Variants in SOX5 observed in about 807,000 individuals in gnomAD.
The protein encoded by SOX5 is transcription factor SOX-5.
Under a neutral mutation model 92.0 loss-of-function variants are expected in SOX5, and 9 were observed. The ratio of observed to expected loss-of-function variants is 0.10; its 90% CI spans 0.06 to 0.17. The LOEUF is 0.17. SOX5 is among the 10% of genes least tolerant of loss of function. The probability of loss-of-function intolerance (pLI) is 1.00; values close to 1 mark genes in which losing one functional copy is unlikely to be tolerated. For synonymous variants in SOX5, 344 were observed against 336.3 expected, an observed-to-expected ratio of 1.02 and a Z score of -0.25; for missense variants, 642 against 944.5, an observed-to-expected ratio of 0.68 and a Z score of 4.20.
chr12:24,114,098 G>A (rs1434356296), intron 4 of SOX5, among the ~76,000 whole-genome samples: 1 of 152,120 alleles, frequency 6.6e-6, no homozygotes, highest in Non-Finnish European at 1.5e-5. Context: ...TCTGCCCATT[G>A]ATAAGCTCTG....
intron 3 of SOX5, among the ~76,000 whole-genome samples, chr12:23,791,510 CTGCAG>C (rs1163886973): frequency 6.6e-6 from 1 of 152,172 alleles, no homozygotes; most frequent in Non-Finnish European, 1.5e-5. Flanking sequence ...AGCATTTCAG[CTGCAG>C]TGTTCAATGG....
chr12:24,496,976 C>A (rs187493795), intron 1 of SOX5, among the ~76,000 whole-genome samples: 3 of 152,300 alleles, frequency 2.0e-5, no homozygotes, highest in Admixed American at 2.0e-4. Flanking sequence ...TGACACAGAG[C>A]TGTCCTAGAC....
At chr12:24,419,088 G>C (rs917771599) in intron 1 of SOX5, among the ~76,000 whole-genome samples, 19 of 152,202 alleles carry the variant, frequency 1.2e-4, no homozygotes, top group South Asian at 4.2e-4. Flanking sequence ...ACCTCCGCTA[G>C]AGTCCTCATT....
Position 23,665,213 on chromosome 12 carries a change from G to A in SOX5, c.931+231C>T, listed in dbSNP as rs74073206. ...TACATTCATACATTAACAATACACT[G>A]TAAATCGAAGTCATGAAATTGAATT... On this transcript the variant is annotated intron_variant, in intron 7 of 14. Transcript: ENST00000451604. Among the ~76,000 whole-genome samples, 1,056 of 152,250 alleles carry A rather than the reference G, an allele frequency of 6.9e-3. 13 individuals carry two copies. The highest frequency in any genetic ancestry group is 0.024 in the African/African-American group (1,000 of 41,540).
chr12:24,297,967 A>G (rs1411243316), intron 2 of SOX5, among the ~76,000 whole-genome samples: 1 of 152,156 alleles, frequency 6.6e-6, no homozygotes, highest in Non-Finnish European at 1.5e-5. Flanking sequence ...TATTACTGAA[A>G]AGCTATTAAC....
intron 3 of SOX5, among the ~76,000 whole-genome samples, chr12:24,257,466 T>A (rs755312197): frequency 1.3e-5 from 1 of 74,132 alleles, no homozygotes; most frequent in Non-Finnish European, 4.0e-5. Flanking sequence ...TCTTTTTGTT[T>A]GTTTTGTTTT....
At chr12:24,017,962 G>A (rs1156862917) in intron 4 of SOX5, among the ~76,000 whole-genome samples, 1 of 152,132 alleles carries the variant, frequency 6.6e-6, no homozygotes, top group Non-Finnish European at 1.5e-5. Flanking sequence ...TAATGATTAG[G>A]ATCCACTCTG....
At chr12:23,558,559 A>G (rs533874001) in intron 11 of SOX5, among the ~76,000 whole-genome samples, 108 of 152,210 alleles carry the variant, frequency 7.1e-4, no homozygotes, top group African/African-American at 2.5e-3. Flanking sequence ...CATGCCACCA[A>G]CCTCCTAGTC....
At chr12:24,551,806 C>T (rs370626915) in intron 1 of SOX5, among the ~76,000 whole-genome samples, 1 of 152,238 alleles carries the variant, frequency 6.6e-6, no homozygotes, top group East Asian at 1.9e-4. Context: ...CCTTTTCAGC[C>T]TACTCTTTCT....
chr12:24,469,544 G>C (rs4963763), intron 1 of SOX5, among the ~76,000 whole-genome samples: 1 of 152,062 alleles, frequency 6.6e-6, no homozygotes, highest in Non-Finnish European at 1.5e-5. Flanking sequence ...CATGCCTTTA[G>C]ATATTCCATT....
chr12:23,852,368 G>C (rs1446466424), intron 2 of SOX5, among the ~76,000 whole-genome samples: 1 of 151,990 alleles, frequency 6.6e-6, no homozygotes. Context: ...CAGGTAAAAA[G>C]ATTATCATTT....
At chr12:23,851,027 T>C (rs75922231) in intron 2 of SOX5, among the ~76,000 whole-genome samples, 3,274 of 151,964 alleles carry the variant, frequency 0.022, 123 homozygotes, top group African/African-American at 0.075. Flanking sequence ...AGAAAAATAA[T>C]ATCAGCTCAT....
intron 1 of SOX5, among the ~76,000 whole-genome samples, chr12:24,388,186 G>T (rs1046169828): frequency 1.3e-5 from 2 of 152,152 alleles, no homozygotes; most frequent in Non-Finnish European, 2.9e-5. Flanking sequence ...TCATTTGGAG[G>T]TAACACATAT....
intron 3 of SOX5, among the ~76,000 whole-genome samples, chr12:23,775,530 G>A (rs1239013927): frequency 6.6e-6 from 1 of 152,204 alleles, no homozygotes; most frequent in Admixed American, 6.5e-5. Flanking sequence ...ATACCATTCT[G>A]AGCTCCTGTT....
At chr12:23,551,256 A>G (rs891396248) in intron 11 of SOX5, among the ~76,000 whole-genome samples, 2 of 151,974 alleles carry the variant, frequency 1.3e-5, no homozygotes, top group African/African-American at 4.8e-5. Flanking sequence ...AACCTCACAG[A>G]CCACCAAAGA....
intron 4 of SOX5, among the ~76,000 whole-genome samples, chr12:23,992,433 A>G (rs1950651047): frequency 6.6e-6 from 1 of 152,154 alleles, no homozygotes; most frequent in African/African-American, 2.4e-5. Flanking sequence ...TTAAAAAGAC[A>G]AGGTTTCATA....
upstream of SOX5, among the ~76,000 whole-genome samples, chr12:23,950,451 C>T (rs1204404042): frequency 6.6e-6 from 1 of 152,180 alleles, no homozygotes; most frequent in Non-Finnish European, 1.5e-5. Context: ...GTCCTGGCAA[C>T]CCGACCAAAG....
intron 3 of SOX5, among the ~76,000 whole-genome samples, chr12:23,821,431 G>C (rs932913161): frequency 1.3e-5 from 2 of 152,170 alleles, no homozygotes; most frequent in Non-Finnish European, 2.9e-5. Flanking sequence ...TCTCTTGCCT[G>C]ACTGCCCTGG....
chr12:23,835,736 T>G (rs2096404280), intron 3 of SOX5, among the ~76,000 whole-genome samples: 1 of 151,868 alleles, frequency 6.6e-6, no homozygotes, highest in Non-Finnish European at 1.5e-5. Flanking sequence ...ATGATAATAG[T>G]AAATGATTAT....
Sources: allele counts gnomAD v4.1 joint callset (sites outside exome capture counted in the v4.1 genomes callset), GRCh38; gene constraint gnomAD v4.1.1; transcripts MANE v1.5; gene names NCBI Gene and HGNC (gene_info 2026-07-23, HGNC 2026-07-21).